The following HOMER2 variants were observed in gnomAD, a reference collection of about 807,000 sequenced individuals.
HOMER2 encodes homer protein homolog 2.
A neutral mutation model predicts 47.0 loss-of-function variants in HOMER2; 27 were observed. That is an observed-to-expected ratio of 0.57 (90% CI 0.42 to 0.79). The LOEUF is 0.79. HOMER2 is among the 30% of genes least tolerant of loss of function. HOMER2 has a pLI of 0.00. For missense variants in HOMER2, 443 were observed against 435.0 expected (o/e 1.02, Z -0.16); for synonymous variants, 161 against 163.8 (o/e 0.98, Z 0.13).
At chr15:82,868,539 A>ATTTTTT (rs1481856091) in intron 3 of HOMER2, among the ~76,000 whole-genome samples, 1 of 62,432 alleles carries the variant, frequency 1.6e-5, no homozygotes, top group African/African-American at 5.9e-5. Flanking sequence ...ATATATATAT[A>ATTTTTT]TATTTTTTTT....
chr15:82,944,552 T>G (rs2054331322), intron 1 of HOMER2, among the ~76,000 whole-genome samples: 1 of 152,200 alleles, frequency 6.6e-6, no homozygotes, highest in South Asian at 2.1e-4. Context: ...GAAAAATGCC[T>G]TTTCTCTATT....
rs2054246312 is a variant in HOMER2 at position 82,940,707 on chromosome 15, T to C, written c.5+11824A>G. Among the ~76,000 whole-genome samples, 3 of 151,928 alleles carry C rather than the reference T, an allele frequency of 2.0e-5. No homozygotes were observed. The South Asian group carries it at 6.3e-4, about 32-fold the overall frequency. On this transcript the variant is annotated intron_variant, in intron 1 of 8. Coordinates refer to ENST00000450735, the MANE Select transcript of HOMER2 (RefSeq NM_004839.4). ...CAGTGAGCTGAGATGCACTCTAGCC[T>C]GGGTGACAGAAGGAGACTCTGTCTT...
At chr15:82,897,099 C>A (rs2052955405) in intron 1 of HOMER2, among the ~76,000 whole-genome samples, 1 of 119,368 alleles carries the variant, frequency 8.4e-6, no homozygotes, top group African/African-American at 3.2e-5. Context: ...TGAAGTCTCA[C>A]TCTGTCGCCC....
chr15:82,920,889 C>T (rs979357098), intron 1 of HOMER2, among the ~76,000 whole-genome samples: 3 of 150,548 alleles, frequency 2.0e-5, no homozygotes, highest in Non-Finnish European at 4.4e-5. Context: ...TACTATGTTG[C>T]CCAGGCTAGA....
chr15:82,960,651 T>A (rs2054623123), intron 1 of HOMER2, among the ~76,000 whole-genome samples: 1 of 152,180 alleles, frequency 6.6e-6, no homozygotes, highest in African/African-American at 2.4e-5. Context: ...GGTTTTCAAT[T>A]CAAATGTAGC....
intron 1 of HOMER2, among the ~76,000 whole-genome samples, chr15:82,896,396 G>A (rs536827703): frequency 1.3e-5 from 2 of 152,236 alleles, no homozygotes; most frequent in Non-Finnish European, 2.9e-5. Flanking sequence ...AAAGTGAGTA[G>A]ACAAGAAGGG....
intron 8 of HOMER2, 35 bp from the exon 9 acceptor site, chr15:82,849,938 T>C (rs772587089): frequency 1.9e-6 from 3 of 1,598,844 alleles, no homozygotes; most frequent in Non-Finnish European, 2.6e-6. Flanking sequence ...TCTAGAAAAC[T>C]GAGTGACGAG....
upstream of HOMER2, among the ~76,000 whole-genome samples, chr15:82,957,297 G>C (rs533470881): frequency 1.3e-5 from 2 of 151,002 alleles, no homozygotes; most frequent in East Asian, 3.9e-4. Flanking sequence ...AAAAAAAACA[G>C]AGTGAATGAG....
At chr15:82,923,566 AC>A (rs2083455875) in intron 1 of HOMER2, among the ~76,000 whole-genome samples, 1 of 151,936 alleles carries the variant, frequency 6.6e-6, no homozygotes, top group African/African-American at 2.4e-5. Flanking sequence ...GCTCAGAGTG[AC>A]CAGCTCCTGC....
downstream of HOMER2, among the ~76,000 whole-genome samples, chr15:82,847,834 T>C (rs2051274207): frequency 6.6e-6 from 1 of 152,144 alleles, no homozygotes; most frequent in Non-Finnish European, 1.5e-5. Context: ...ATCCCGCTGC[T>C]GGGCCACGGG....
At chr15:82,902,946 G>C (rs1477604623) in intron 1 of HOMER2, among the ~76,000 whole-genome samples, 1 of 152,194 alleles carries the variant, frequency 6.6e-6, no homozygotes, top group Non-Finnish European at 1.5e-5. Context: ...TCATCTGTGA[G>C]ACCATATCTT....
intron 1 of HOMER2, among the ~76,000 whole-genome samples, chr15:82,906,882 G>C (rs111701034): frequency 1.5e-4 from 23 of 152,338 alleles, no homozygotes; most frequent in African/African-American, 4.8e-4. Context: ...AAAGTTATAA[G>C]AGAGAAAGAG....
At position 82,931,795 on chromosome 15, in the gene HOMER2, G is replaced by A. The variant is rs561758231; in HGVS notation, c.5+20736C>T. ...AGAGGTTGCCATGAGCCGAGATCGCGCCACTGCACTCCAGCATGGGCGACA... is the reference window on the plus strand; with the variant it reads ...AGAGGTTGCCATGAGCCGAGATCGCACCACTGCACTCCAGCATGGGCGACA... On this transcript the variant is annotated intron_variant, in intron 1 of 8. Transcript: ENST00000450735. Among the ~76,000 whole-genome samples the A allele has an allele frequency of 3.3e-4, 50 of 152,196 alleles. 1 individual carries two copies. The highest frequency in any genetic ancestry group is 1.2e-3 in the African/African-American group (48 of 41,534).
At position 82,849,129 on chromosome 15, in the gene HOMER2, G is replaced by A. The variant is rs2051303598; in HGVS notation, c.*586C>T. 6.6e-6 allele frequency: 1 copy of A among 152,164 alleles called. No individual in the cohort carries two copies. Among genetic ancestry groups the A allele is most frequent in the African/African-American group, 2.4e-5 (1 of 41,356 alleles). The allele number at this position is 152,164 out of a possible 1,614,324, so 9.4% of individuals were successfully genotyped here. On this transcript the variant is annotated 3_prime_UTR_variant, in exon 9 of 9. Coordinates refer to ENST00000450735, the MANE Select transcript of HOMER2 (RefSeq NM_004839.4). ...CACTGTTGCAACCGTACAAACTGGGGGGGCGGGGGGCAGGGGGCAGTAGCG... is the reference window on the plus strand; with the variant it reads ...CACTGTTGCAACCGTACAAACTGGGAGGGCGGGGGGCAGGGGGCAGTAGCG...
intron 2 of HOMER2, 106 bp downstream of exon 2, chr15:82,892,579 C>T: frequency 1.2e-6 from 1 of 843,676 alleles, no homozygotes; most frequent in Non-Finnish European, 1.7e-6. Flanking sequence ...ATATGTTATA[C>T]AGACATTATA....
intron 2 of HOMER2, among the ~76,000 whole-genome samples, chr15:82,877,072 C>T (rs2052374162): frequency 6.6e-6 from 1 of 152,214 alleles, no homozygotes; most frequent in Non-Finnish European, 1.5e-5. Flanking sequence ...TTGAGTGCCT[C>T]ATTTATATTA....
At chr15:82,956,044 A>G (rs540059353), upstream of HOMER2, among the ~76,000 whole-genome samples, 2 of 152,256 alleles carry the variant, frequency 1.3e-5, no homozygotes, top group South Asian at 4.2e-4. Flanking sequence ...GTTCAAGACC[A>G]GCCTGGCCAA....
intron 5 of HOMER2, 52 bp from the exon 6 acceptor site, chr15:82,854,852 C>T: frequency 3.8e-6 from 6 of 1,570,450 alleles, no homozygotes; most frequent in Admixed American, 1.7e-5. Context: ...TCCCGTCTGG[C>T]TCCGCCCGCG....
chr15:82,904,316 G>A (rs561804203), intron 1 of HOMER2, among the ~76,000 whole-genome samples: 1 of 152,298 alleles, frequency 6.6e-6, no homozygotes, highest in East Asian at 1.9e-4. Flanking sequence ...GCCAGGGCAG[G>A]AAAACCTGAA....
Sources: gnomAD v4.1 joint callset for allele counts (sites outside exome capture counted in the v4.1 genomes callset) on GRCh38, gnomAD v4.1.1 for gene constraint, MANE v1.5 for transcripts, NCBI Gene and HGNC (gene_info 2026-07-23, HGNC 2026-07-21) for gene names.